The following CHST11 variants were observed in gnomAD, a reference collection of about 807,000 sequenced individuals.
CHST11 encodes the protein carbohydrate sulfotransferase 11, also known as C4S-1.
A neutral mutation model predicts 30.4 loss-of-function variants in CHST11; 9 were observed. That is an observed-to-expected ratio of 0.30 (90% confidence interval 0.18 to 0.52). CHST11 has a LOEUF of 0.52. Ranked by LOEUF, CHST11 falls within the 20% of genes least tolerant of loss-of-function variation. The probability of loss-of-function intolerance (pLI) is 0.97; values close to 1 mark genes in which losing one functional copy is unlikely to be tolerated. For missense variants in CHST11, 348 were observed against 460.6 expected (o/e 0.76, Z 2.24); for synonymous variants, 152 against 187.8 (o/e 0.81, Z 1.56).
chr12:104,481,496 A>G (rs2037622001), intron 1 of CHST11, among the ~76,000 whole-genome samples: 1 of 152,334 alleles, frequency 6.6e-6, no homozygotes, highest in Non-Finnish European at 1.5e-5. Flanking sequence ...ACTGAAAGAA[A>G]TGGTTTCAAA....
At chr12:104,559,607 G>C (rs1276750260) in intron 1 of CHST11, among the ~76,000 whole-genome samples, 7 of 152,192 alleles carry the variant, frequency 4.6e-5, no homozygotes, top group Admixed American at 4.6e-4. Flanking sequence ...GCCGGGCATG[G>C]TGGTGGGCGC....
intron 1 of CHST11, among the ~76,000 whole-genome samples, chr12:104,582,028 G>C (rs1021622355): frequency 6.6e-6 from 1 of 152,194 alleles, no homozygotes; most frequent in Non-Finnish European, 1.5e-5. Flanking sequence ...ATTATCGTCA[G>C]CATCATCATT....
chr12:104,688,721 A>G (rs563903392), intron 2 of CHST11, among the ~76,000 whole-genome samples: 8 of 152,264 alleles, frequency 5.3e-5, no homozygotes, highest in Non-Finnish European at 1.0e-4. Context: ...AGTAACCAAA[A>G]TAGGGGTGTG....
chr12:104,513,125 G>GTGC (rs1242574151), intron 1 of CHST11, among the ~76,000 whole-genome samples: 4 of 63,570 alleles, frequency 6.3e-5, no homozygotes, highest in African/African-American at 2.7e-4. Flanking sequence ...GTCATGACTG[G>GTGC]GGGGGGGGGG....
intron 2 of CHST11, among the ~76,000 whole-genome samples, chr12:104,665,979 C>T (rs1264009356): frequency 6.6e-6 from 1 of 151,830 alleles, no homozygotes; most frequent in African/African-American, 2.4e-5. Context: ...GTCACCATGC[C>T]CAGCTAATGT....
At chr12:104,488,032 C>T (rs1004994992) in intron 1 of CHST11, among the ~76,000 whole-genome samples, 3 of 152,122 alleles carry the variant, frequency 2.0e-5, no homozygotes, top group Admixed American at 1.3e-4. Context: ...CCTCAGCCTC[C>T]CAAGTAGCTG....
intron 2 of CHST11, among the ~76,000 whole-genome samples, chr12:104,753,803 G>T (rs2040453669): frequency 6.6e-6 from 1 of 152,148 alleles, no homozygotes; most frequent in African/African-American, 2.4e-5. Flanking sequence ...GCCTAGAGAG[G>T]GAGGAAAGGA....
intron 1 of CHST11, among the ~76,000 whole-genome samples, chr12:104,570,350 G>A (rs2038611471): frequency 6.6e-6 from 1 of 152,118 alleles, no homozygotes; most frequent in Non-Finnish European, 1.5e-5. Context: ...TGTGTGAGCA[G>A]CTGCAGATTT....
At chr12:104,636,790 A>G (rs547600404) in intron 2 of CHST11, among the ~76,000 whole-genome samples, 14 of 152,246 alleles carry the variant, frequency 9.2e-5, no homozygotes, top group African/African-American at 3.4e-4. Context: ...GAGCATGACC[A>G]ATATATATTA....
intron 1 of CHST11, among the ~76,000 whole-genome samples, chr12:104,481,052 T>C (rs1244598852): frequency 6.6e-6 from 1 of 152,226 alleles, no homozygotes; most frequent in African/African-American, 2.4e-5. Flanking sequence ...CAGAGGTCAC[T>C]TAACCTCTCT....
chr12:104,637,512 A>C (rs1592808838), intron 2 of CHST11, among the ~76,000 whole-genome samples: 1 of 151,736 alleles, frequency 6.6e-6, no homozygotes, highest in Non-Finnish European at 1.5e-5. Flanking sequence ...AACCACAAAA[A>C]CCTTTGGCTA....
intron 1 of CHST11, among the ~76,000 whole-genome samples, chr12:104,559,632 A>G (rs1428263928): frequency 2.0e-5 from 3 of 151,970 alleles, no homozygotes; most frequent in Non-Finnish European, 4.4e-5. Context: ...AATCCCAGCT[A>G]CTCTGGAGGC....
At chr12:104,749,336 C>T (rs1405193928) in intron 2 of CHST11, among the ~76,000 whole-genome samples, 5 of 152,320 alleles carry the variant, frequency 3.3e-5, no homozygotes, top group Non-Finnish European at 7.3e-5. Context: ...CCCTTTTGTC[C>T]TTGCTGCTAG....
At position 104,760,388 on chromosome 12, in the gene CHST11, T is replaced by C. The variant is rs1264737444; in HGVS notation, c.*2585T>C. On this transcript the variant is annotated 3_prime_UTR_variant, in exon 3 of 3. Transcript: ENST00000303694. ...ACAATTCTATCCCTCCCAGAGGGAG[T>C]GGAGGAAGTCTTGGGTGGTGTGGAC... 6.6e-6 allele frequency: 1 copy of C among 151,556 alleles called. No individual in the cohort carries two copies. Among genetic ancestry groups the C allele is most frequent in the African/African-American group, 2.4e-5 (1 of 41,158 alleles). 9.4% of individuals were successfully genotyped at this position (151,556 alleles called of 1,614,324 possible).
At chr12:104,708,304 C>A (rs934262749) in intron 2 of CHST11, among the ~76,000 whole-genome samples, 9 of 152,220 alleles carry the variant, frequency 5.9e-5, no homozygotes, top group Admixed American at 5.9e-4. Context: ...AGAAATGGGG[C>A]TGATGACAGT....
chr12:104,472,408 C>T (rs2037519465), intron 1 of CHST11, among the ~76,000 whole-genome samples: 1 of 152,096 alleles, frequency 6.6e-6, no homozygotes, highest in African/African-American at 2.4e-5. Flanking sequence ...CACACACACA[C>T]ACACCCCTCT....
chr12:104,497,137 CT>C (rs937034389), intron 1 of CHST11, among the ~76,000 whole-genome samples: 1 of 152,204 alleles, frequency 6.6e-6, no homozygotes, highest in Admixed American at 6.5e-5. Context: ...TTGCTGCAGG[CT>C]TAATTTTGTT....
In CHST11 at chr12:104,541,546, G is replaced by C. The variant is rs75729146; in HGVS notation, c.119-60360G>C. Among the ~76,000 whole-genome samples the C allele has an allele frequency of 4.8e-3, 727 of 152,204 alleles. 8 individuals are homozygous for C. Among genetic ancestry groups the C allele is most frequent in the African/African-American group, 0.016 (682 of 41,512 alleles). On this transcript the variant is annotated intron_variant, in intron 1 of 2. Transcript: ENST00000303694. The stretch of plus-strand genomic sequence containing the variant: ...TCTTAACATTTTTTAAATGTCTGTG[G>C]TGGGCTAGTGGATATTCTGAAATAG...
At chr12:104,634,073 C>T (rs551986089) in intron 2 of CHST11, among the ~76,000 whole-genome samples, 65 of 152,326 alleles carry the variant, frequency 4.3e-4, no homozygotes, top group Non-Finnish European at 7.4e-4. Context: ...TAGCAATTAA[C>T]AAAACAGACA....
Sources: allele counts gnomAD v4.1 joint callset (sites outside exome capture counted in the v4.1 genomes callset), GRCh38; gene constraint gnomAD v4.1.1; transcripts MANE v1.5; gene names NCBI Gene and HGNC (gene_info 2026-07-23, HGNC 2026-07-21).